The following ADCY9 variants were observed in gnomAD, a reference collection of about 807,000 sequenced individuals.
ADCY9 encodes the protein adenylate cyclase 9, also known as adenylate cyclase type 9.
Under a neutral mutation model 101.5 loss-of-function variants are expected in ADCY9, and 50 were observed. That is an observed-to-expected ratio of 0.49 (90% CI 0.39 to 0.62). The LOEUF is 0.62. Among genes scored for constraint, ADCY9 ranks in the 20% least tolerant of loss-of-function variants. ADCY9 has a pLI of 0.00. For synonymous variants in ADCY9, 905 were observed against 769.3 expected, an observed-to-expected ratio of 1.18 and a Z score of -2.92; for missense variants, 1,662 against 1,800.4, an observed-to-expected ratio of 0.92 and a Z score of 1.39.
intron 2 of ADCY9, among the ~76,000 whole-genome samples, chr16:4,049,697 C>G (rs974222870): frequency 6.6e-6 from 1 of 152,174 alleles, no homozygotes; most frequent in African/African-American, 2.4e-5. Context: ...CGTCCCTTTA[C>G]CAACAACCAG....
intron 2 of ADCY9, among the ~76,000 whole-genome samples, chr16:4,101,671 C>T (rs2057044221): frequency 6.6e-6 from 1 of 152,162 alleles, no homozygotes; most frequent in Non-Finnish European, 1.5e-5. Context: ...ACCTAGTCCT[C>T]GCCTTGCCAA....
At chr16:4,069,272 G>GTTA (rs57466737) in intron 2 of ADCY9, among the ~76,000 whole-genome samples, 9,863 of 147,270 alleles carry the variant, frequency 0.067, 386 homozygotes, top group Non-Finnish European at 0.085. Context: ...GTTGTTGTAA[G>GTTA]TTATTATTAT....
intron 2 of ADCY9, among the ~76,000 whole-genome samples, chr16:4,046,206 G>A (rs758517214): frequency 3.3e-5 from 5 of 152,072 alleles, no homozygotes; most frequent in Admixed American, 6.6e-5. Flanking sequence ...GTATCTGTCC[G>A]GAGTCGCAGA....
At chr16:4,086,013 A>C (rs765649381) in intron 2 of ADCY9, among the ~76,000 whole-genome samples, 24 of 151,380 alleles carry the variant, frequency 1.6e-4, no homozygotes, top group Non-Finnish European at 2.9e-4. Flanking sequence ...AATGAGAAAG[A>C]CTCCGCTAAT....
At position 4,115,059 on chromosome 16, in the gene ADCY9, A is replaced by T; in HGVS notation, c.384T>A (p.Leu128=). ...YALFYIGFAC[L]LWSIYFAVHM... Reference sequence around the variant, plus strand: ...GGACCGCAAAATAGATGCTCCACAGAAGGCAGGCGAAGCCGATGTAGAAGA... The same window carrying T: ...GGACCGCAAAATAGATGCTCCACAGTAGGCAGGCGAAGCCGATGTAGAAGA... The change falls in exon 2 of 11, where the codon CTT becomes CTA. Residue 128 remains leucine, a synonymous_variant. Coordinates refer to ENST00000294016, the MANE Select transcript of ADCY9 (RefSeq NM_001116.4). The surrounding 1 kb of genome is among the most constrained non-coding windows in gnomAD (Gnocchi z 6.2). 6.2e-7 allele frequency: 1 copy of T among 1,614,074 alleles called. No individual in the cohort carries two copies. The highest frequency in any genetic ancestry group is 8.5e-7 in the Non-Finnish European group (1 of 1,180,034).
chr16:4,001,825 C>T (rs2056333428), intron 3 of ADCY9, among the ~76,000 whole-genome samples: 1 of 151,636 alleles, frequency 6.6e-6, no homozygotes, highest in Non-Finnish European at 1.5e-5. Flanking sequence ...TCTCAGCTCA[C>T]TGCAACCTCC....
intron 2 of ADCY9, among the ~76,000 whole-genome samples, chr16:4,053,256 C>T (rs1029438303): frequency 7.2e-5 from 11 of 152,014 alleles, no homozygotes; most frequent in African/African-American, 2.2e-4. Context: ...TGAAGTGGGC[C>T]GTCAGGCAAT....
chr16:3,971,188 T>C (rs530518350), intron 10 of ADCY9, among the ~76,000 whole-genome samples: 19 of 151,146 alleles, frequency 1.3e-4, no homozygotes, highest in African/African-American at 4.4e-4. Context: ...GCTTCCCTGG[T>C]AGGCAGCATG....
At chr16:4,082,974 AC>A in intron 2 of ADCY9, among the ~76,000 whole-genome samples, 1 of 152,320 alleles carries the variant, frequency 6.6e-6, no homozygotes, top group Non-Finnish European at 1.5e-5. Context: ...ACTAGATATC[AC>A]TGTGTCATTC....
At chr16:4,035,809 G>C (rs1488014825) in intron 2 of ADCY9, among the ~76,000 whole-genome samples, 1 of 151,920 alleles carries the variant, frequency 6.6e-6, no homozygotes, top group Non-Finnish European at 1.5e-5. Flanking sequence ...AGACCAGCCT[G>C]ACCAACATGG....
At chr16:4,081,196 T>C (rs1352751876) in intron 2 of ADCY9, among the ~76,000 whole-genome samples, 4 of 152,150 alleles carry the variant, frequency 2.6e-5, no homozygotes, top group Admixed American at 2.6e-4. Flanking sequence ...CTCACACACA[T>C]CTGCTCTCGT....
At chr16:3,959,021 C>CA (rs1324328649), downstream of ADCY9, among the ~76,000 whole-genome samples, 2 of 151,672 alleles carry the variant, frequency 1.3e-5, no homozygotes, top group African/African-American at 4.8e-5. Context: ...AAGCCATGGA[C>CA]AAAAAAATCA....
intron 2 of ADCY9, among the ~76,000 whole-genome samples, chr16:4,020,734 G>A (rs1359852688): frequency 1.3e-5 from 2 of 151,648 alleles, no homozygotes; most frequent in Admixed American, 6.6e-5. Context: ...GCTGAGGCAG[G>A]AGAATGGCGT....
chr16:3,988,605 G>T (rs78490033), intron 6 of ADCY9, among the ~76,000 whole-genome samples: 1,644 of 136,778 alleles, frequency 0.012, 35 homozygotes, highest in African/African-American at 0.044. Flanking sequence ...AGGTGGGGGG[G>T]GTTCCTTTAC....
At chr16:4,067,938 A>G (rs181392586) in intron 2 of ADCY9, among the ~76,000 whole-genome samples, 1 of 152,334 alleles carries the variant, frequency 6.6e-6, no homozygotes, top group African/African-American at 2.4e-5. Flanking sequence ...ATAGAATTTA[A>G]TTAATTCTTT....
intron 3 of ADCY9, among the ~76,000 whole-genome samples, chr16:3,997,032 T>C (rs2056292586): frequency 6.6e-6 from 1 of 152,006 alleles, no homozygotes; most frequent in Non-Finnish European, 1.5e-5. Context: ...GCCTGGCTTA[T>C]TTTTGTATTT....
At chr16:4,059,397 A>C (rs917154627) in intron 2 of ADCY9, among the ~76,000 whole-genome samples, 8 of 151,114 alleles carry the variant, frequency 5.3e-5, no homozygotes, top group African/African-American at 1.7e-4. Context: ...AAAAAAAAGA[A>C]AAAAAAAGAA....
chr16:4,082,585 C>T (rs2056910485), intron 2 of ADCY9, among the ~76,000 whole-genome samples: 1 of 152,044 alleles, frequency 6.6e-6, no homozygotes, highest in African/African-American at 2.4e-5. Context: ...CACATGCATG[C>T]ATGCACACAG....
chr16:4,080,614 A>T (rs2056895679), intron 2 of ADCY9, among the ~76,000 whole-genome samples: 1 of 151,990 alleles, frequency 6.6e-6, no homozygotes, highest in Non-Finnish European at 1.5e-5. Flanking sequence ...TGACCTTTCC[A>T]TTAATGTCTT....
Sources: gnomAD v4.1 joint callset for allele counts (sites outside exome capture counted in the v4.1 genomes callset) on GRCh38, gnomAD v4.1.1 for gene constraint, Gnocchi (gnomAD v3.1) non-coding constraint, MANE v1.5 for transcripts, NCBI Gene and HGNC (gene_info 2026-07-23, HGNC 2026-07-21) for gene names.